TIAM2: variants seen among roughly 807,000 people sequenced by gnomAD.
TIAM2 encodes rho guanine nucleotide exchange factor TIAM2.
In TIAM2, 80 loss-of-function variants were observed where a neutral mutation model predicts 152.9. The ratio of observed to expected loss-of-function variants is 0.52; its 90% confidence interval spans 0.44 to 0.63. TIAM2 has a LOEUF of 0.63. Ranked by LOEUF, TIAM2 falls within the 30% of genes least tolerant of loss-of-function variation. The pLI is 0.00. For synonymous variants in TIAM2, 804 were observed against 838.0 expected (o/e 0.96, Z 0.70); for missense variants, 1,965 against 2,120.1 (o/e 0.93, Z 1.44).
At position 155,214,829 on chromosome 6, in the gene TIAM2, T is replaced by C. The variant is rs6908153; in HGVS notation, c.3168+3522T>C. The stretch of plus-strand genomic sequence containing the variant: ...TCTTATTTTAATAATACAATAGATA[T>C]GGGGTCTCACTATGTTGCTGAGGCT... On this transcript the variant is annotated intron_variant, in intron 15 of 26. Coordinates refer to ENST00000682666, the MANE Select transcript of TIAM2 (RefSeq NM_012454.4). The surrounding 1 kb of genome is among the most constrained non-coding windows in gnomAD (Gnocchi z 5.4). 0.013 allele frequency among the ~76,000 whole-genome samples: 2,051 copies of C among 152,284 alleles called. 18 individuals carry two copies. The highest frequency in any genetic ancestry group is 0.027 in the Middle Eastern group (8 of 294).
rs559348086 is a variant in TIAM2, at chr6:155,208,392, C to T, written c.3065-2812C>T. Among the ~76,000 whole-genome samples, 3 of 152,228 alleles carry T rather than the reference C, an allele frequency of 2.0e-5. No homozygotes were observed. In the East Asian group the frequency reaches 5.8e-4, roughly 29 times the overall value. ...CTGTACCCTTATGCACTGATGTTTC[C>T]ATGGTTCTCTCCTCGGTCCTCTTGA... On this transcript the variant is annotated intron_variant, in intron 14 of 26. Coordinates refer to ENST00000682666, the MANE Select transcript of TIAM2 (RefSeq NM_012454.4).
intron 22 of TIAM2, 72 bp downstream of exon 22, chr6:155,251,093 C>A: frequency 7.6e-7 from 1 of 1,309,622 alleles, no homozygotes. Flanking sequence ...CTAGCCGCAC[C>A]AGTCCAGCTC....
chr6:155,025,525 G>C (rs1274607083), intron 1 of TIAM2, among the ~76,000 whole-genome samples: 1 of 151,858 alleles, frequency 6.6e-6, no homozygotes, highest in Non-Finnish European at 1.5e-5. Flanking sequence ...CACCATGTTG[G>C]CCAGCCTGGT....
intron 15 of TIAM2, among the ~76,000 whole-genome samples, chr6:155,220,278 G>A (rs1781997905): frequency 6.6e-6 from 1 of 152,234 alleles, no homozygotes; most frequent in African/African-American, 2.4e-5. Context: ...GTTATTGAAC[G>A]AGACTTTGGC....
At chr6:155,028,865 C>T (rs111210718) in intron 1 of TIAM2, among the ~76,000 whole-genome samples, 2 of 66,692 alleles carry the variant, frequency 3.0e-5, no homozygotes, top group East Asian at 3.5e-4. Context: ...ACTGTATATA[C>T]TATCTATACT....
At chr6:155,244,864 A>C in intron 18 of TIAM2, 81 bp downstream of exon 18, 1 of 1,458,032 alleles carries the variant, frequency 6.9e-7, no homozygotes, top group East Asian at 2.4e-5. Context: ...TCTCATGAGA[A>C]AGAATTTCTT....
chr6:154,997,261 T>C (rs375718684), intron 1 of TIAM2, among the ~76,000 whole-genome samples: 1 of 152,252 alleles, frequency 6.6e-6, no homozygotes, highest in Non-Finnish European at 1.5e-5. Flanking sequence ...GAAGCTTTTC[T>C]TCCTTATCCG....
intron 15 of TIAM2, among the ~76,000 whole-genome samples, chr6:155,212,720 G>GC (rs1562355700): frequency 6.6e-6 from 1 of 152,196 alleles, no homozygotes; most frequent in African/African-American, 2.4e-5. Context: ...GGCAGGCTGT[G>GC]CTCAACTTGC....
chr6:155,028,118 T>C (rs1211770174), intron 1 of TIAM2, among the ~76,000 whole-genome samples: 1 of 107,588 alleles, frequency 9.3e-6, no homozygotes. Flanking sequence ...ATGTACTGTG[T>C]TACATATATA....
At chr6:155,225,409 A>G (rs1782208321) in intron 15 of TIAM2, among the ~76,000 whole-genome samples, 1 of 152,210 alleles carries the variant, frequency 6.6e-6, no homozygotes, top group Admixed American at 6.5e-5. Context: ...TATACAGATG[A>G]GTTACCAAGA....
chr6:155,212,233 G>C (rs1781739424), intron 15 of TIAM2, among the ~76,000 whole-genome samples: 2 of 152,288 alleles, frequency 1.3e-5, no homozygotes, highest in South Asian at 4.1e-4. Flanking sequence ...GCCAGGTCAT[G>C]TGGTGATTCT....
intron 2 of TIAM2, 71 bp from the exon 3 acceptor site, chr6:155,127,419 G>C (rs1325004658): frequency 2.7e-6 from 1 of 371,012 alleles, no homozygotes; most frequent in African/African-American, 2.1e-5. Flanking sequence ...TTGCGTTAAG[G>C]CTTCCTTTTG....
At chr6:155,017,562 A>G (rs888278588) in intron 1 of TIAM2, among the ~76,000 whole-genome samples, 7 of 141,322 alleles carry the variant, frequency 5.0e-5, no homozygotes, top group Admixed American at 7.5e-5. Flanking sequence ...GGAGTGCAGT[A>G]GTGCGATCTT....
intron 14 of TIAM2, among the ~76,000 whole-genome samples, chr6:155,210,694 G>C (rs1012533468): frequency 1.3e-5 from 2 of 152,170 alleles, no homozygotes; most frequent in Non-Finnish European, 2.9e-5. Context: ...ATCCTCTTGG[G>C]ACTTTCAAGT....
At chr6:155,155,570 G>A (rs984757005) in intron 7 of TIAM2, among the ~76,000 whole-genome samples, 1 of 152,212 alleles carries the variant, frequency 6.6e-6, no homozygotes, top group Non-Finnish European at 1.5e-5. Context: ...TGCCTCCAGG[G>A]TTCCAGTGAT....
At chr6:155,210,462 C>A (rs1781693213) in intron 14 of TIAM2, among the ~76,000 whole-genome samples, 1 of 151,712 alleles carries the variant, frequency 6.6e-6, no homozygotes, top group Non-Finnish European at 1.5e-5. Context: ...GGGATTATAG[C>A]CGCATACCAC....
rs1408764739 is a variant in TIAM2 at position 155,254,608 on chromosome 6, A to C, written c.4468+35A>C. The C allele has an allele frequency of 1.9e-6, 3 of 1,600,954 alleles. No homozygotes were observed. In the African/African-American group the frequency reaches 4.0e-5, roughly 21 times the overall value. ...TTGCTAGCCTTGTGTTTATTCAACAAAATATTATGAGCTTCTGAAAAGGAT... is the reference window on the plus strand; with the variant it reads ...TTGCTAGCCTTGTGTTTATTCAACACAATATTATGAGCTTCTGAAAAGGAT... On this transcript the variant is annotated intron_variant, in intron 26 of 26. Coordinates refer to ENST00000682666, the MANE Select transcript of TIAM2 (RefSeq NM_012454.4).
Position 155,118,952 on chromosome 6 carries a change from T to TA in TIAM2, c.-117-8524dup, listed in dbSNP as rs1289148333. ...TTGCACATTAATGATGGGCCATCTT[T>TA]AAAAAAAAAAAAAATCTTGTACTTA... On this transcript the variant is annotated intron_variant, in intron 2 of 26. Transcript: ENST00000682666. Among the ~76,000 whole-genome samples the TA allele has an allele frequency of 8.8e-3, 1,267 of 144,548 alleles. 20 individuals carry two copies. The highest frequency in any genetic ancestry group is 0.029 in the African/African-American group (1,152 of 39,638). 94.8% of individuals were successfully genotyped at this position (144,548 alleles called of 152,430 possible). A position where few individuals can be genotyped will look rare whatever the true frequency, so the allele number is the denominator to read the frequency against.
intron 1 of TIAM2, among the ~76,000 whole-genome samples, chr6:155,028,565 A>G (rs1033784701): frequency 7.2e-6 from 1 of 138,936 alleles, no homozygotes; most frequent in African/African-American, 2.6e-5. Flanking sequence ...ATATATATAT[A>G]CTGTGTTACA....
Sources: allele counts gnomAD v4.1 joint callset (sites outside exome capture counted in the v4.1 genomes callset), GRCh38; gene constraint gnomAD v4.1.1; non-coding constraint Gnocchi (gnomAD v3.1); transcripts MANE v1.5; gene names NCBI Gene and HGNC (gene_info 2026-07-23, HGNC 2026-07-21).